The following TDRP variants were observed in gnomAD, a reference collection of about 807,000 sequenced individuals.
TDRP encodes the protein testis development-related protein.
In TDRP, 12 loss-of-function variants were observed where a neutral mutation model predicts 10.5. The ratio of observed to expected loss-of-function variants is 1.15; its 90% CI spans 0.73 to 1.86. TDRP has a LOEUF of 1.86. Among genes scored for constraint, TDRP ranks in the 40% most tolerant of loss-of-function variants. The pLI is 0.00. For missense variants in TDRP, 353 were observed against 229.2 expected (o/e 1.54, Z -3.49); for synonymous variants, 139 against 95.4 (o/e 1.46, Z -2.67).
intron 1 of TDRP, among the ~76,000 whole-genome samples, chr8:514,883 CG>C (rs1485138972): frequency 1.3e-5 from 2 of 152,074 alleles, no homozygotes; most frequent in African/African-American, 4.8e-5. Flanking sequence ...TTTTCTTTCA[CG>C]GGGAGGGCTA....
At chr8:533,716 C>A (rs1205992434) in intron 1 of TDRP, among the ~76,000 whole-genome samples, 1 of 152,130 alleles carries the variant, frequency 6.6e-6, no homozygotes, top group East Asian at 1.9e-4. Flanking sequence ...CCTGTACAGC[C>A]CTCCTGTGTC....
chr8:516,167 G>A (rs987544403), intron 1 of TDRP, among the ~76,000 whole-genome samples: 6 of 152,142 alleles, frequency 3.9e-5, no homozygotes, highest in Admixed American at 6.5e-5. Flanking sequence ...AAATGTGGTG[G>A]TGTGAATGGA....
upstream of TDRP, chr8:545,775 C>T (rs958146333): frequency 4.0e-4 from 61 of 152,004 alleles, no homozygotes; most frequent in African/African-American, 1.3e-3. Context: ...CGGGCTCGGC[C>T]CGGACTGACG....
At chr8:516,245 G>A (rs886794077) in intron 1 of TDRP, among the ~76,000 whole-genome samples, 1 of 152,160 alleles carries the variant, frequency 6.6e-6, no homozygotes, top group Non-Finnish European at 1.5e-5. Flanking sequence ...TCTCCCCCAA[G>A]TGAGCTACTA....
chr8:509,590 G>C (rs1359494800), intron 1 of TDRP, among the ~76,000 whole-genome samples: 2 of 152,140 alleles, frequency 1.3e-5, no homozygotes, highest in Non-Finnish European at 2.9e-5. Context: ...GCTACACATA[G>C]CAAGGGAGCC....
chr8:544,505 C>T (rs987926793), intron 1 of TDRP, 145 bp downstream of exon 1: 5 of 470,580 alleles, frequency 1.1e-5, no homozygotes, highest in East Asian at 3.6e-5. Context: ...GCGGGCCGCG[C>T]CCCGGAGCTA....
intron 1 of TDRP, among the ~76,000 whole-genome samples, chr8:537,278 G>A (rs368555868): frequency 6.6e-6 from 1 of 152,166 alleles, no homozygotes; most frequent in African/African-American, 2.4e-5. Flanking sequence ...TGTGATGTCC[G>A]AATGCCTGTC....
chr8:536,917 G>C (rs539584337), intron 1 of TDRP, among the ~76,000 whole-genome samples: 19 of 152,192 alleles, frequency 1.2e-4, no homozygotes, highest in Non-Finnish European at 2.6e-4. Flanking sequence ...ACAGAGACTT[G>C]ACTCAAGTGC....
intron 1 of TDRP, among the ~76,000 whole-genome samples, chr8:513,766 C>T (rs1015510851): frequency 2.6e-5 from 4 of 152,122 alleles, no homozygotes; most frequent in African/African-American, 9.7e-5. Context: ...CCACTAAAAA[C>T]CTATGTTAGA....
chr8:512,074 C>G (rs1048957406), intron 1 of TDRP, among the ~76,000 whole-genome samples: 1 of 151,508 alleles, frequency 6.6e-6, no homozygotes, highest in Non-Finnish European at 1.5e-5. Context: ...ACAAATTAAT[C>G]AATAGAGAAT....
In TDRP at chr8:491,992, T is replaced by C; in HGVS notation, c.*407A>G. 8.9e-7 allele frequency: 1 copy of C among 1,118,654 alleles called. No homozygotes were observed. The highest frequency in any genetic ancestry group is 1.1e-6 in the Non-Finnish European group (1 of 917,232). 69.3% of individuals were successfully genotyped at this position (1,118,654 alleles called of 1,614,324 possible). A position where few individuals can be genotyped will look rare whatever the true frequency, so the allele number is the denominator to read the frequency against. On this transcript the variant is annotated 3_prime_UTR_variant, in exon 3 of 3. Coordinates refer to ENST00000324079, the MANE Select transcript of TDRP (RefSeq NM_001384899.1). ...TAATTTTCTAGCAAAAGAAAAGAAC[T>C]GCATGACAGCTGCATTTATACGTGC...
intron 1 of TDRP, among the ~76,000 whole-genome samples, chr8:536,759 GCA>G (rs1345441216): frequency 2.0e-5 from 3 of 152,168 alleles, no homozygotes; most frequent in Non-Finnish European, 2.9e-5. Context: ...GTGGAGGAAA[GCA>G]CCACTCTGTT....
intron 1 of TDRP, among the ~76,000 whole-genome samples, chr8:542,799 G>A (rs1435700559): frequency 6.7e-6 from 1 of 149,116 alleles, no homozygotes; most frequent in African/African-American, 2.5e-5. Flanking sequence ...GGAGGGTGCA[G>A]TGAGCTGAGA....
At chr8:509,091 C>G (rs1801541879) in intron 1 of TDRP, among the ~76,000 whole-genome samples, 1 of 152,250 alleles carries the variant, frequency 6.6e-6, no homozygotes, top group Non-Finnish European at 1.5e-5. Flanking sequence ...CTCCTACCAC[C>G]TTGGGCAGCT....
intron 1 of TDRP, among the ~76,000 whole-genome samples, chr8:506,087 AGG>A (rs1801457508): frequency 6.6e-6 from 1 of 152,172 alleles, no homozygotes; most frequent in Non-Finnish European, 1.5e-5. Flanking sequence ...ACAAAGACAG[AGG>A]GGCAGAGCCA....
At chr8:544,264 T>C (rs1802576743) in intron 1 of TDRP, among the ~76,000 whole-genome samples, 1 of 151,934 alleles carries the variant, frequency 6.6e-6, no homozygotes, top group African/African-American at 2.4e-5. Flanking sequence ...CGTGGACCTC[T>C]GCGTCCCGGG....
At chr8:537,245 T>G (rs190598345) in intron 1 of TDRP, among the ~76,000 whole-genome samples, 1 of 152,284 alleles carries the variant, frequency 6.6e-6, no homozygotes, top group African/African-American at 2.4e-5. Flanking sequence ...CAGCCTAGGA[T>G]GAAATGGTCC....
chr8:492,330 G>C lies in TDRP; in HGVS notation c.*69C>G, dbSNP rs1801000828. 2 of 1,393,504 alleles carry C rather than the reference G, an allele frequency of 1.4e-6. No individual in the cohort carries two copies. Among genetic ancestry groups the C allele is most frequent in the African/African-American group, 1.5e-5 (1 of 68,580 alleles). The allele number at this position is 1,393,504 out of a possible 1,614,324, so 86.3% of individuals were successfully genotyped here. A position where few individuals can be genotyped will look rare whatever the true frequency, so the allele number is the denominator to read the frequency against. On this transcript the variant is annotated 3_prime_UTR_variant, in exon 3 of 3. Transcript: ENST00000324079. ...TCTCTATTCTTTCTAACGCGGAAAA[G>C]ACTCAACAACTACATGGTATACTCA...
chr8:506,045 C>T (rs1801455439), intron 1 of TDRP, among the ~76,000 whole-genome samples: 1 of 152,136 alleles, frequency 6.6e-6, no homozygotes, highest in South Asian at 2.1e-4. Context: ...TCTTTCTCCT[C>T]ACCCATTCAG....
Sources: allele counts gnomAD v4.1 joint callset (sites outside exome capture counted in the v4.1 genomes callset), GRCh38; gene constraint gnomAD v4.1.1; transcripts MANE v1.5; gene names NCBI Gene and HGNC (gene_info 2026-07-23, HGNC 2026-07-21).